Variants in PKIA observed in about 807,000 individuals in gnomAD.
PKIA encodes PKI-alpha.
Under a neutral mutation model 7.6 loss-of-function variants are expected in PKIA, and 4 were observed. The ratio of observed to expected loss-of-function variants is 0.52; its 90% CI spans 0.26 to 1.20. The LOEUF is 1.20. Ranked by LOEUF, PKIA falls within the 50% of genes most tolerant of loss-of-function variation. The pLI is 0.13. For synonymous variants in PKIA, 21 were observed against 30.7 expected, an observed-to-expected ratio of 0.68 and a Z score of 1.04; for missense variants, 73 against 86.2, an observed-to-expected ratio of 0.85 and a Z score of 0.61.
At chr8:78,540,896 T>C (rs985171364) in intron 1 of PKIA, among the ~76,000 whole-genome samples, 2 of 152,168 alleles carry the variant, frequency 1.3e-5, no homozygotes, top group Admixed American at 1.3e-4. Context: ...TAAAATAAAA[T>C]TAATTTTGAA....
intron 1 of PKIA, among the ~76,000 whole-genome samples, chr8:78,552,741 G>A (rs1807015183): frequency 6.6e-6 from 1 of 151,910 alleles, no homozygotes; most frequent in Non-Finnish European, 1.5e-5. Flanking sequence ...TGTTCTCTAA[G>A]CATTATTTTA....
chr8:78,518,077 T>A (rs1181355370), intron 1 of PKIA, among the ~76,000 whole-genome samples: 1 of 152,248 alleles, frequency 6.6e-6, no homozygotes, highest in Non-Finnish European at 1.5e-5. Context: ...GTGTTAATCA[T>A]ATTATATATC....
In PKIA at chr8:78,544,353, A is replaced by G. The variant is rs528379190; in HGVS notation, c.-157+27885A>G. ...TTGCCTGAAGTTCTCTTTTTCCTCC[A>G]TACTTCACCTGCCCACCACCCTTTC... On this transcript the variant is annotated intron_variant, in intron 1 of 3. Transcript: ENST00000396418. 3.9e-5 allele frequency among the ~76,000 whole-genome samples: 6 copies of G among 152,156 alleles called. No homozygotes were observed. In the South Asian group the frequency reaches 1.2e-3, roughly 32 times the overall value.
chr8:78,523,914 ATATT>A (rs1208668960), intron 1 of PKIA, among the ~76,000 whole-genome samples: 5 of 142,012 alleles, frequency 3.5e-5, no homozygotes, highest in Non-Finnish European at 6.1e-5. Context: ...TTATACATAT[ATATT>A]TATATATATA....
chr8:78,530,532 T>C (rs945772724), intron 1 of PKIA, among the ~76,000 whole-genome samples: 24 of 152,000 alleles, frequency 1.6e-4, no homozygotes, highest in African/African-American at 4.6e-4. Flanking sequence ...CTTTTTTTTT[T>C]CCACCATATC....
intron 2 of PKIA, among the ~76,000 whole-genome samples, chr8:78,578,541 T>C (rs952528894): frequency 5.3e-4 from 2 of 3,774 alleles, no homozygotes; most frequent in Non-Finnish European, 9.4e-4. Flanking sequence ...AAAAAAATCA[T>C]TATTTTTTTG....
rs536497279 is a variant in PKIA, at chr8:78,589,243, A to C, written c.-27-9115A>C. ...GTAAGATTTGCTATGGAGAGTAAGA[A>C]AGCAAGATACAAATAAAATTTAAAG... On this transcript the variant is annotated intron_variant, in intron 2 of 3. Transcript: ENST00000396418. Among the ~76,000 whole-genome samples, 130 of 152,290 alleles carry C rather than the reference A, an allele frequency of 8.5e-4. 2 individuals are homozygous for C. Among genetic ancestry groups the C allele is most frequent in the Middle Eastern group, 6.8e-3 (2 of 294 alleles).
At chr8:78,528,465 T>C (rs1373562371) in intron 1 of PKIA, among the ~76,000 whole-genome samples, 1 of 152,048 alleles carries the variant, frequency 6.6e-6, no homozygotes, top group African/African-American at 2.4e-5. Context: ...AATTAGAAGA[T>C]ATAAGCACAA....
In PKIA at chr8:78,604,613, T is replaced by C. The variant is rs530398377; in HGVS notation, c.*2792T>C. The C allele has an allele frequency of 2.6e-5, 4 of 152,036 alleles. No individual in the cohort carries two copies. Among genetic ancestry groups the C allele is most frequent in the African/African-American group, 9.6e-5 (4 of 41,506 alleles). The allele number at this position is 152,036 out of a possible 1,614,324, so 9.4% of individuals were successfully genotyped here. On this transcript the variant is annotated 3_prime_UTR_variant, in exon 4 of 4. Transcript: ENST00000396418. Reference sequence around the variant, plus strand: ...TTTAAAAAAAAGAAATTCAATTATGTCTTATTTGGGGGGTATATTTCCCAG... The same window carrying C: ...TTTAAAAAAAAGAAATTCAATTATGCCTTATTTGGGGGGTATATTTCCCAG...
chr8:78,590,099 T>G (rs1808058491), intron 2 of PKIA, among the ~76,000 whole-genome samples: 1 of 152,164 alleles, frequency 6.6e-6, no homozygotes, highest in African/African-American at 2.4e-5. Context: ...ACAAAAATTA[T>G]AATTTCAGAA....
intron 3 of PKIA, among the ~76,000 whole-genome samples, chr8:78,600,269 C>T (rs1321299631): frequency 1.3e-5 from 2 of 151,868 alleles, no homozygotes; most frequent in African/African-American, 2.4e-5. Flanking sequence ...ACAAATTCAA[C>T]GTCACTAAGA....
At chr8:78,547,991 C>T (rs1367416729) in intron 1 of PKIA, among the ~76,000 whole-genome samples, 1 of 151,886 alleles carries the variant, frequency 6.6e-6, no homozygotes, top group African/African-American at 2.4e-5. Flanking sequence ...CTCTGAAATT[C>T]TAAGACTAAA....
At chr8:78,586,897 G>C (rs1241659222) in intron 2 of PKIA, among the ~76,000 whole-genome samples, 1 of 152,102 alleles carries the variant, frequency 6.6e-6, no homozygotes, top group Non-Finnish European at 1.5e-5. Context: ...TTTTGAGAGA[G>C]TTGTTAAGAA....
chr8:78,573,711 A>G (rs375065386), intron 2 of PKIA, among the ~76,000 whole-genome samples: 1 of 152,022 alleles, frequency 6.6e-6, no homozygotes, highest in Admixed American at 6.6e-5. Context: ...ATGAAGACAC[A>G]TACTGAATAA....
intron 2 of PKIA, among the ~76,000 whole-genome samples, chr8:78,580,817 A>G (rs1433482960): frequency 6.6e-6 from 1 of 152,140 alleles, no homozygotes; most frequent in African/African-American, 2.4e-5. Flanking sequence ...GGCAAAAGCT[A>G]GAATGAACTC....
intron 1 of PKIA, among the ~76,000 whole-genome samples, chr8:78,538,695 G>A (rs908530348): frequency 6.6e-6 from 1 of 151,942 alleles, no homozygotes; most frequent in East Asian, 1.9e-4. Flanking sequence ...AATTTGTGGT[G>A]TAATTAGTTT....
intron 2 of PKIA, among the ~76,000 whole-genome samples, chr8:78,591,978 T>C (rs7832948): frequency 0.023 from 3,512 of 152,244 alleles, 128 homozygotes; most frequent in African/African-American, 0.079. Context: ...GGGGTGAATA[T>C]CTGTCAAACA....
chr8:78,586,125 C>G (rs768652910), intron 2 of PKIA, among the ~76,000 whole-genome samples: 38 of 152,252 alleles, frequency 2.5e-4, no homozygotes, highest in Non-Finnish European at 4.9e-4. Flanking sequence ...ATCTCTGCCT[C>G]AACCTGCCAA....
intron 1 of PKIA, among the ~76,000 whole-genome samples, chr8:78,558,774 G>A (rs1563579172): frequency 6.6e-6 from 1 of 152,132 alleles, no homozygotes; most frequent in Non-Finnish European, 1.5e-5. Flanking sequence ...GAACAGGTGT[G>A]TGAAAGAAAC....
Sources: gnomAD v4.1 joint callset for allele counts (sites outside exome capture counted in the v4.1 genomes callset) on GRCh38, gnomAD v4.1.1 for gene constraint, MANE v1.5 for transcripts, NCBI Gene and HGNC (gene_info 2026-07-23, HGNC 2026-07-21) for gene names.